Variants in CNEP1R1 observed in about 807,000 individuals in gnomAD.
The protein encoded by CNEP1R1 is nuclear envelope phosphatase-regulatory subunit 1.
In CNEP1R1, 10 loss-of-function variants were observed where a neutral mutation model predicts 22.7. The observed-to-expected ratio is 0.44, with a 90% CI of 0.27 to 0.75. CNEP1R1 has a LOEUF of 0.75. CNEP1R1 is among the 30% of genes least tolerant of loss of function. The probability of loss-of-function intolerance (pLI) is 0.17; values close to 1 mark genes in which losing one functional copy is unlikely to be tolerated. For synonymous variants in CNEP1R1, 53 were observed against 50.1 expected, an observed-to-expected ratio of 1.06 and a Z score of -0.25; for missense variants, 73 against 151.5, an observed-to-expected ratio of 0.48 and a Z score of 2.72.
intron 1 of CNEP1R1, 109 bp downstream of exon 1, chr16:50,025,449 T>C (rs1167751178): frequency 7.2e-6 from 9 of 1,252,554 alleles, no homozygotes; most frequent in Non-Finnish European, 7.5e-6. Context: ...CCGCAGAGGA[T>C]GGAGCTAGGG....
chr16:50,025,281 C>T lies in CNEP1R1; in HGVS notation c.-35C>T, dbSNP rs985922978. On this transcript the variant is annotated 5_prime_UTR_variant, in exon 1 of 6. Transcript: ENST00000427478. ...GGGGCCGCGGAAGCTGCGATGCGGA[C>T]AGGGCAGCGGCGGTGACCCGAGCTG... The T allele has an allele frequency of 1.1e-5, 15 of 1,406,818 alleles. 1 individual carries two copies. Among genetic ancestry groups the T allele is most frequent in the East Asian group, 8.6e-5 (3 of 34,962 alleles). 87.1% of individuals were successfully genotyped at this position (1,406,818 alleles called of 1,614,324 possible).
chr16:50,025,716 C>T (rs1450159130), intron 1 of CNEP1R1: 2 of 1,611,906 alleles, frequency 1.2e-6, no homozygotes, highest in African/African-American at 2.7e-5. Flanking sequence ...GGAAGTGCTG[C>T]TCGGTGTTTT....
At chr16:50,034,535 G>C in intron 5 of CNEP1R1, 1 of 62,346 alleles carries the variant, frequency 1.6e-5, no homozygotes. Context: ...TGCTATATAT[G>C]TTATTTGTAA....
At chr16:50,025,651 C>T (rs773876690) in intron 1 of CNEP1R1, 18 of 1,613,366 alleles carry the variant, frequency 1.1e-5, no homozygotes, top group Non-Finnish European at 1.5e-5. Flanking sequence ...ATTCTCACAG[C>T]CCCGCGAGTT....
At chr16:50,025,486 G>C (rs2036172148) in intron 1 of CNEP1R1, 146 bp downstream of exon 1, 1 of 1,103,624 alleles carries the variant, frequency 9.1e-7, no homozygotes, top group Non-Finnish European at 1.3e-6. Flanking sequence ...CGCGTAGGCG[G>C]CCGTACCTGG....
chr16:50,029,894 AACT>A, intron 3 of CNEP1R1, 96 bp downstream of exon 3: 1 of 689,274 alleles, frequency 1.5e-6, no homozygotes, highest in South Asian at 1.7e-5. Context: ...ACTACCTATT[AACT>A]ACTACTAGTG....
chr16:50,025,249 C>T lies in CNEP1R1; in HGVS notation c.-67C>T. On this transcript the variant is annotated 5_prime_UTR_variant, in exon 1 of 6. Coordinates refer to ENST00000427478, the MANE Select transcript of CNEP1R1 (RefSeq NM_001281789.2). ...TAGAGGTGGGAGTTGGCGCTGCGGG[C>T]CGGGCGGGGGCCGCGGAAGCTGCGA... The T allele has an allele frequency of 7.3e-7, 1 of 1,373,700 alleles. No individual in the cohort carries two copies. The highest frequency in any genetic ancestry group is 9.4e-7 in the Non-Finnish European group (1 of 1,066,310). 85.1% of individuals were successfully genotyped at this position (1,373,700 alleles called of 1,614,324 possible). A position where few individuals can be genotyped will look rare whatever the true frequency, so the allele number is the denominator to read the frequency against.
At position 50,036,088 on chromosome 16, in the gene CNEP1R1, C is replaced by A. The variant is rs1266949053; in HGVS notation, c.*630C>A. On this transcript the variant is annotated 3_prime_UTR_variant, in exon 6 of 6. Transcript: ENST00000427478. Reference sequence around the variant, plus strand: ...AACTATTGTGGTTATATTTTTAGTTCATTGTTCTCATTTAATGCTAAATAT... The same window carrying A: ...AACTATTGTGGTTATATTTTTAGTTAATTGTTCTCATTTAATGCTAAATAT... The A allele has an allele frequency of 6.7e-6, 1 of 150,152 alleles. No homozygotes were observed. The highest frequency in any genetic ancestry group is 1.9e-4 in the East Asian group (1 of 5,132). 9.3% of individuals were successfully genotyped at this position (150,152 alleles called of 1,614,324 possible).
chr16:50,026,134 C>T, intron 1 of CNEP1R1: 1 of 455,494 alleles, frequency 2.2e-6, no homozygotes, highest in Non-Finnish European at 3.9e-6. Flanking sequence ...TCTCCCAATA[C>T]CATTTATGAA....
rs376482684 is a variant in CNEP1R1 at position 50,033,524 on chromosome 16, T to C, written c.281+18T>C. 30 of 1,293,020 alleles carry C rather than the reference T, an allele frequency of 2.3e-5. No homozygotes were observed. The highest frequency in any genetic ancestry group is 2.6e-5 in the Non-Finnish European group (23 of 896,398). The allele number at this position is 1,293,020 out of a possible 1,614,324, so 80.1% of individuals were successfully genotyped here. On this transcript the variant is annotated intron_variant, in intron 4 of 5. Transcript: ENST00000427478. The stretch of plus-strand genomic sequence containing the variant: ...CCATCAATGTATCCTTTACCAAGGA[T>C]TAAATTCCATTCTCTGAAGTGCTTT...
chr16:50,035,473 TG>T lies in CNEP1R1; in HGVS notation c.*16del. ...ATGTTCAATGACAATCTTCACTCAT[TG>T]TTATGGGACTTAAAATAGCCTTTCT... is the stretch of plus-strand genomic sequence containing the variant. On this transcript the variant is annotated 3_prime_UTR_variant, in exon 6 of 6. Transcript: ENST00000427478. The T allele has an allele frequency of 6.4e-7, 1 of 1,565,488 alleles. No individual in the cohort carries two copies. The highest frequency in any genetic ancestry group is 1.3e-5 in the African/African-American group (1 of 74,336).
intron 3 of CNEP1R1, among the ~76,000 whole-genome samples, chr16:50,032,924 G>C (rs1278847216): frequency 6.6e-6 from 1 of 151,862 alleles, no homozygotes; most frequent in Non-Finnish European, 1.5e-5. Flanking sequence ...AGAATTGCTT[G>C]AATCCTGGAG....
intron 2 of CNEP1R1, 53 bp from the exon 3 acceptor site, chr16:50,029,672 A>G: frequency 1.9e-6 from 2 of 1,053,058 alleles, no homozygotes; most frequent in Admixed American, 3.8e-5. Flanking sequence ...TGGTGATAGT[A>G]TCACATATTA....
chr16:50,026,468 G>T lies in CNEP1R1; in HGVS notation c.97+1G>T, dbSNP rs1380413272. On this transcript the variant is annotated splice_donor_variant, in intron 2 of 5. Coordinates refer to ENST00000427478, the MANE Select transcript of CNEP1R1 (RefSeq NM_001281789.2). LOFTEE classifies it high-confidence loss of function. ...CAACCTGCTACTGGACGCTGGAGAA[G>T]TAAGTTCCTGAATGTTATTTTAAGG... 2 of 1,602,474 alleles carry T rather than the reference G, an allele frequency of 1.2e-6. No individual in the cohort carries two copies. Among genetic ancestry groups the T allele is most frequent in the South Asian group, 1.1e-5 (1 of 89,492 alleles).
intron 5 of CNEP1R1, 51 bp downstream of exon 5, chr16:50,034,207 AT>A: frequency 7.3e-7 from 1 of 1,362,364 alleles, no homozygotes. Context: ...AAACACTGAA[AT>A]TTTTGGCTTT....
intron 3 of CNEP1R1, among the ~76,000 whole-genome samples, chr16:50,032,600 G>C (rs943913392): frequency 1.3e-5 from 2 of 152,248 alleles, no homozygotes; most frequent in East Asian, 1.9e-4. Flanking sequence ...GGTGGAGGGA[G>C]AGAGGTGAAC....
intron 2 of CNEP1R1, among the ~76,000 whole-genome samples, chr16:50,028,051 G>A (rs1316565637): frequency 1.3e-5 from 2 of 152,136 alleles, no homozygotes; most frequent in Admixed American, 6.5e-5. Context: ...TCTGCCTCCC[G>A]GGTTCAAGTG....
At chr16:50,026,355 G>A (rs965126552) in intron 1 of CNEP1R1, 41 bp from the exon 2 acceptor site, 17 of 1,418,344 alleles carry the variant, frequency 1.2e-5, no homozygotes, top group Non-Finnish European at 1.7e-5. Context: ...CGTCAGACGA[G>A]TAAGAGTGGC....
chr16:50,025,792 C>G (rs762493844), intron 1 of CNEP1R1: 4 of 1,107,494 alleles, frequency 3.6e-6, no homozygotes, highest in South Asian at 2.5e-5. Flanking sequence ...TTAGACGCCC[C>G]TGTCTTCTAG....
Sources: allele counts gnomAD v4.1 joint callset (sites outside exome capture counted in the v4.1 genomes callset), GRCh38; gene constraint gnomAD v4.1.1; transcripts MANE v1.5; gene names NCBI Gene and HGNC (gene_info 2026-07-23, HGNC 2026-07-21).